Variants in TRPC4AP observed in about 807,000 individuals in gnomAD.
TRPC4AP encodes short transient receptor potential channel 4-associated protein.
TRPC4AP carries 45 observed loss-of-function variants against 99.0 expected under a neutral mutation model. The observed-to-expected ratio is 0.45, with a 90% CI of 0.36 to 0.58. The LOEUF (loss-of-function observed/expected upper bound fraction) is 0.58, where lower values mean the gene tolerates loss of function less well. Among genes scored for constraint, TRPC4AP ranks in the 20% least tolerant of loss-of-function variants. TRPC4AP has a pLI of 0.00. For synonymous variants in TRPC4AP, 408 were observed against 385.8 expected (o/e 1.06, Z -0.67); for missense variants, 879 against 985.3 (o/e 0.89, Z 1.44).
Position 35,021,261 on chromosome 20 carries a change from G to A in TRPC4AP, c.1147C>T (p.His383Tyr). Residue 383 changes from histidine to tyrosine, a missense_variant, in exon 9 of 19, where the codon CAT becomes TAT. Physicochemically the swap from His to Tyr is moderately conservative, Grantham distance 83 (BLOSUM62 2). Around this residue, in one of 3 missense-constraint regions of TRPC4AP, gnomAD observed 603 missense variants for 631.8 expected, o/e 0.95. Coordinates refer to ENST00000252015, the MANE Select transcript of TRPC4AP (RefSeq NM_015638.3). ...TQLPQSMKIM[H>Y]EIMYKLEVLY... is the part of the protein sequence containing the mutation. ...ACTTCCAGTTTGTACATGATCTCAT[G>A]CATAATCTTCATTGACTGGGGCAGC... The A allele has an allele frequency of 6.2e-7, 1 of 1,614,174 alleles. No homozygotes were observed. The highest frequency in any genetic ancestry group is 1.1e-5 in the South Asian group (1 of 91,082).
At chr20:35,071,033 A>G (rs949219528) in intron 2 of TRPC4AP, among the ~76,000 whole-genome samples, 2 of 151,690 alleles carry the variant, frequency 1.3e-5, no homozygotes, top group Admixed American at 6.6e-5. Context: ...GAAGCAAATA[A>G]TGTGCAACTC....
chr20:35,022,660 G>A (rs1255210108), intron 8 of TRPC4AP, among the ~76,000 whole-genome samples: 1 of 152,078 alleles, frequency 6.6e-6, no homozygotes, highest in African/African-American at 2.4e-5. Context: ...GTGGTTATCA[G>A]ATATATTCAG....
intron 1 of TRPC4AP, among the ~76,000 whole-genome samples, chr20:35,083,427 C>T (rs2146030363): frequency 6.6e-6 from 1 of 151,556 alleles, no homozygotes; most frequent in South Asian, 2.1e-4. Context: ...TGGTGAAACC[C>T]CATCTCTACT....
Position 35,005,816 on chromosome 20 carries a change from C to A in TRPC4AP, c.1828-13G>T, listed in dbSNP as rs181494240. 6.9e-5 allele frequency: 111 copies of A among 1,613,248 alleles called. No homozygotes were observed. In the East Asian group the frequency reaches 2.5e-3, roughly 36 times the overall value. ...GGAATACCTGGAACTATACAGAAAC[C>A]AAGCTCACAGCAGGCAGTGGGCTGC... On this transcript the variant is annotated splice_polypyrimidine_tract_variant and intron_variant, in intron 15 of 18. Transcript: ENST00000252015.
chr20:35,027,692 C>T (rs886950005), intron 8 of TRPC4AP, among the ~76,000 whole-genome samples: 1 of 152,130 alleles, frequency 6.6e-6, no homozygotes, highest in Non-Finnish European at 1.5e-5. Context: ...TATTCAATCT[C>T]GTTGTTATAC....
chr20:35,057,630 A>T (rs1279303359), intron 3 of TRPC4AP, 59 bp from the exon 4 acceptor site: 1 of 1,429,014 alleles, frequency 7.0e-7, no homozygotes, highest in Non-Finnish European at 9.8e-7. Flanking sequence ...TTATAAAATG[A>T]TTTTGCCATA....
chr20:35,063,744 C>G (rs942863803), intron 3 of TRPC4AP, among the ~76,000 whole-genome samples: 2 of 152,002 alleles, frequency 1.3e-5, no homozygotes, highest in African/African-American at 4.8e-5. Context: ...ACCTGTAGTC[C>G]CAGCTACTCG....
At chr20:35,045,230 T>C (rs910592958) in intron 6 of TRPC4AP, among the ~76,000 whole-genome samples, 2 of 152,214 alleles carry the variant, frequency 1.3e-5, no homozygotes, top group African/African-American at 2.4e-5. Context: ...ATATTTCCAT[T>C]AAAATACATG....
rs535363737 is a variant in TRPC4AP, at chr20:35,054,498, T to G, written c.528+478A>C. Reference sequence around the variant, plus strand: ...CACAAAATCAGGTCCTAACACTAAGTGCCATCCTCTTTTGTTTCTACCAGA... The same window carrying G: ...CACAAAATCAGGTCCTAACACTAAGGGCCATCCTCTTTTGTTTCTACCAGA... On this transcript the variant is annotated intron_variant, in intron 5 of 18. Transcript: ENST00000252015. 2.6e-5 allele frequency among the ~76,000 whole-genome samples: 4 copies of G among 152,282 alleles called. No homozygotes were observed. The East Asian group carries it at 7.7e-4, about 29-fold the overall frequency.
At chr20:35,012,224 C>T (rs1372034947) in intron 11 of TRPC4AP, among the ~76,000 whole-genome samples, 2 of 152,232 alleles carry the variant, frequency 1.3e-5, no homozygotes, top group African/African-American at 4.8e-5. Context: ...TGCCCTGGGG[C>T]CACAGCTGTC....
At chr20:35,057,493 G>C in intron 4 of TRPC4AP, 21 bp downstream of exon 4, 2 of 1,601,406 alleles carry the variant, frequency 1.2e-6, no homozygotes, top group South Asian at 1.1e-5. Context: ...ACAAGGACCA[G>C]TAGCTAATAG....
intron 1 of TRPC4AP, among the ~76,000 whole-genome samples, chr20:35,089,621 CA>C: frequency 6.6e-6 from 1 of 152,092 alleles, no homozygotes; most frequent in Non-Finnish European, 1.5e-5. Flanking sequence ...GAGGACAAGG[CA>C]GGGGGATCAT....
At chr20:35,080,883 A>T (rs530297517) in intron 1 of TRPC4AP, among the ~76,000 whole-genome samples, 35 of 152,044 alleles carry the variant, frequency 2.3e-4, no homozygotes, top group African/African-American at 8.4e-4. Context: ...CAATATGTGA[A>T]TTACATCTCA....
intron 11 of TRPC4AP, 50 bp from the exon 12 acceptor site, chr20:35,010,338 G>T: frequency 6.7e-7 from 1 of 1,482,896 alleles, no homozygotes; most frequent in Non-Finnish European, 9.4e-7. Context: ...TGGGGCTGCT[G>T]GGTCAGCACC....
At chr20:35,006,307 G>T in intron 15 of TRPC4AP, 128 bp downstream of exon 15, 1 of 1,112,402 alleles carries the variant, frequency 9.0e-7, no homozygotes, top group Non-Finnish European at 1.3e-6. Flanking sequence ...ATGAATGTTT[G>T]CCAAAGACTG....
intron 1 of TRPC4AP, among the ~76,000 whole-genome samples, chr20:35,079,787 C>T (rs2084581999): frequency 1.3e-5 from 2 of 151,372 alleles, no homozygotes; most frequent in South Asian, 2.1e-4. Flanking sequence ...GAGGCTAAGG[C>T]GGGAGGATTG....
chr20:35,073,699 T>C (rs544943369), intron 2 of TRPC4AP, among the ~76,000 whole-genome samples: 24 of 152,348 alleles, frequency 1.6e-4, no homozygotes, highest in East Asian at 7.7e-4. Flanking sequence ...GATTTTTGCA[T>C]TGATGTTCAT....
chr20:35,013,894 T>C (rs1219905374), intron 10 of TRPC4AP, among the ~76,000 whole-genome samples: 1 of 152,154 alleles, frequency 6.6e-6, no homozygotes, highest in Admixed American at 6.5e-5. Context: ...GTGCTGCTGG[T>C]GGGTGAAGGG....
intron 8 of TRPC4AP, among the ~76,000 whole-genome samples, chr20:35,032,663 G>A (rs376464691): frequency 9.9e-5 from 15 of 151,176 alleles, no homozygotes; most frequent in East Asian, 4.0e-4. Flanking sequence ...TAGTAGAGAC[G>A]GGGTTTCACC....
Sources: gnomAD v4.1 joint callset for allele counts (sites outside exome capture counted in the v4.1 genomes callset) on GRCh38, gnomAD v4.1.1 for gene constraint, gnomAD v4.1.1 regional missense constraint, MANE v1.5 for transcripts, NCBI Gene and HGNC (gene_info 2026-07-23, HGNC 2026-07-21) for gene names.